RAD52: variants seen among roughly 807,000 people sequenced by gnomAD.
RAD52 encodes the protein RAD52 DNA repair protein.
In RAD52, 47 loss-of-function variants were observed where a neutral mutation model predicts 55.5. That is an observed-to-expected ratio of 0.85 (90% CI 0.67 to 1.08). The LOEUF (loss-of-function observed/expected upper bound fraction) is 1.08, where lower values mean the gene tolerates loss of function less well. RAD52 is among the 50% of genes least tolerant of loss of function. The pLI, the probability that RAD52 is intolerant of heterozygous loss-of-function variation, is 0.00. For synonymous variants in RAD52, 184 were observed against 198.9 expected (o/e 0.92, Z 0.63); for missense variants, 468 against 522.8 (o/e 0.90, Z 1.02).
intron 1 of RAD52, among the ~76,000 whole-genome samples, chr12:973,312 A>G (rs540154837): frequency 2.0e-5 from 3 of 151,856 alleles, no homozygotes; most frequent in South Asian, 2.1e-4. Flanking sequence ...CTCGTGATCC[A>G]CCCTCCTGGG....
At chr12:968,809 A>G (rs1033544485) in intron 1 of RAD52, among the ~76,000 whole-genome samples, 2 of 152,074 alleles carry the variant, frequency 1.3e-5, no homozygotes, top group Non-Finnish European at 2.9e-5. Flanking sequence ...TCAATAAGGC[A>G]AGGAGCTTGT....
chr12:990,359 A>AC (rs1959169812), upstream of RAD52: 2 of 151,936 alleles, frequency 1.3e-5, no homozygotes, highest in African/African-American at 2.4e-5. Context: ...TGGCTCCAAA[A>AC]AAAAAACAAA....
At position 932,820 on chromosome 12, in the gene RAD52, CGTA is replaced by C. The variant is rs1957399061; in HGVS notation, c.84+152_84+154del. Among the ~76,000 whole-genome samples, 4 of 86,106 alleles carry C rather than the reference CGTA, an allele frequency of 4.6e-5. No individual in the cohort carries two copies. The South Asian group carries it at 1.3e-3, about 29-fold the overall frequency. 56.5% of individuals were successfully genotyped at this position (86,106 alleles called of 152,430 possible). A position where few individuals can be genotyped will look rare whatever the true frequency, so the allele number is the denominator to read the frequency against. ...CAACGTACTAGGTACTGCTCACACA[CGTA>C]CTAGGTAAACGTACTAGGTACTGCT... On this transcript the variant is annotated intron_variant, in intron 2 of 11. Transcript: ENST00000358495.
upstream of RAD52, among the ~76,000 whole-genome samples, chr12:954,564 G>A (rs926283434): frequency 2.6e-5 from 4 of 152,166 alleles, no homozygotes; most frequent in African/African-American, 7.2e-5. Flanking sequence ...AACCCGGGTG[G>A]TGGAGGTTGC....
chr12:970,255 G>T (rs1302777705), intron 1 of RAD52, among the ~76,000 whole-genome samples: 1 of 141,688 alleles, frequency 7.1e-6, no homozygotes, highest in Non-Finnish European at 1.5e-5. Flanking sequence ...GGAGGTGAAG[G>T]CTGCAGTAAG....
intron 5 of RAD52, among the ~76,000 whole-genome samples, chr12:929,487 T>C (rs1158532222): frequency 6.6e-6 from 1 of 152,218 alleles, no homozygotes; most frequent in South Asian, 2.1e-4. Context: ...TTGCCTAAAG[T>C]TGAGTTTCCA....
At chr12:933,123 T>C in intron 1 of RAD52, 47 bp from the exon 2 acceptor site, 1 of 1,392,516 alleles carries the variant, frequency 7.2e-7, no homozygotes. Context: ...CAAAGAATGT[T>C]TAAAGTAAAA....
intron 2 of RAD52, 126 bp downstream of exon 2, chr12:932,845 TGCTC>T (rs1565673198): frequency 3.2e-5 from 21 of 666,160 alleles, no homozygotes; most frequent in East Asian, 2.6e-4. Context: ...TACTAGGTAC[TGCTC>T]ACACACGTAC....
At chr12:922,206 A>AAC (rs1555170840) in intron 7 of RAD52, among the ~76,000 whole-genome samples, 2 of 145,454 alleles carry the variant, frequency 1.4e-5, no homozygotes, top group Non-Finnish European at 3.1e-5. Context: ...AAAAAAAAAA[A>AAC]AAAAAAACCA....
At chr12:963,703 A>T (rs866033498) in intron 1 of RAD52, among the ~76,000 whole-genome samples, 26 of 152,116 alleles carry the variant, frequency 1.7e-4, no homozygotes, top group African/African-American at 6.0e-4. Flanking sequence ...TCTGGCATAG[A>T]GGAAGGCAAC....
At chr12:963,924 A>G (rs1178014526) in intron 1 of RAD52, among the ~76,000 whole-genome samples, 1 of 152,170 alleles carries the variant, frequency 6.6e-6, no homozygotes, top group African/African-American at 2.4e-5. Context: ...GGCCTCTCTG[A>G]TCAGGTGACA....
chr12:943,180 G>T (rs1427339653), intron 1 of RAD52, among the ~76,000 whole-genome samples: 2 of 152,164 alleles, frequency 1.3e-5, no homozygotes, highest in East Asian at 3.8e-4. Flanking sequence ...TGCTGGCAAG[G>T]ATGTAAAGCA....
At position 916,381 on chromosome 12, in the gene RAD52, C is replaced by T; in HGVS notation, c.828G>A (p.Gln276=). 1 of 1,608,756 alleles carries T rather than the reference C, an allele frequency of 6.2e-7. No individual in the cohort carries two copies. The highest frequency in any genetic ancestry group is 8.5e-7 in the Non-Finnish European group (1 of 1,179,854). Residue 276 remains glutamine (Q), a synonymous_variant, in exon 9 of 12, where the codon CAG becomes CAA. Transcript: ENST00000358495. ...CAGCTGACGGCGTGGAGACTCGAAC[C>T]TGCTGCTTCTCCATCCGCTCCCGGA... is the stretch of plus-strand genomic sequence containing the variant. ...QQFRERMEKQ[Q]VRVSTPSAEK... is the part of the protein sequence containing the mutation.
At chr12:916,067 C>A (rs899267495) in intron 9 of RAD52, 26 of 888,214 alleles carry the variant, frequency 2.9e-5, no homozygotes, top group East Asian at 4.6e-5. Context: ...AAAAAAAGTT[C>A]TTTACCCTGA....
intron 3 of RAD52, 59 bp downstream of exon 3, chr12:931,161 C>A: frequency 7.1e-7 from 1 of 1,406,052 alleles, no homozygotes; most frequent in South Asian, 1.2e-5. Flanking sequence ...AGGGAACTGG[C>A]AAGACCATCG....
rs181551761 is a variant in RAD52, at chr12:988,873, C to G, written c.-19+936G>C. On this transcript the variant is annotated intron_variant, in intron 1 of 11. Transcript: ENST00000430095. ...TCCCATCAGGACCCACCTCCCAATA[C>G]TATCACACTGGGAATCAAATTTCAA... Among the ~76,000 whole-genome samples the G allele has an allele frequency of 2.4e-3, 363 of 152,168 alleles. 3 individuals are homozygous for G. The highest frequency in any genetic ancestry group is 4.1e-3 in the Non-Finnish European group (276 of 68,012).
chr12:956,118 C>A (rs1293323976), intron 1 of RAD52, among the ~76,000 whole-genome samples: 1 of 152,202 alleles, frequency 6.6e-6, no homozygotes, highest in Non-Finnish European at 1.5e-5. Flanking sequence ...CCACATGACT[C>A]AGCTCTGGCC....
intron 6 of RAD52, chr12:926,742 A>G: frequency 6.8e-7 from 1 of 1,471,600 alleles, no homozygotes; most frequent in Non-Finnish European, 9.1e-7. Context: ...ATAGCAACAT[A>G]AATGGACTAA....
At chr12:986,476 C>T (rs1330578552) in intron 1 of RAD52, among the ~76,000 whole-genome samples, 5 of 152,116 alleles carry the variant, frequency 3.3e-5, no homozygotes, top group Non-Finnish European at 7.4e-5. Context: ...ATCCTCCTGC[C>T]TTAGCCTCCC....
Sources: allele counts gnomAD v4.1 joint callset (sites outside exome capture counted in the v4.1 genomes callset), GRCh38; gene constraint gnomAD v4.1.1; transcripts MANE v1.5; gene names NCBI Gene and HGNC (gene_info 2026-07-23, HGNC 2026-07-21).